Variants in KLF12 observed in about 807,000 individuals in gnomAD.
KLF12 encodes the protein Krueppel-like factor 12.
A neutral mutation model predicts 37.8 loss-of-function variants in KLF12; 9 were observed. That is an observed-to-expected ratio of 0.24 (90% CI 0.14 to 0.42). The LOEUF is 0.42. Ranked by LOEUF, KLF12 falls within the 10% of genes least tolerant of loss-of-function variation. The pLI, the probability that KLF12 is intolerant of heterozygous loss-of-function variation, is 1.00. For synonymous variants in KLF12, 208 were observed against 202.1 expected (o/e 1.03, Z -0.25); for missense variants, 411 against 516.0 (o/e 0.80, Z 1.97).
intron 1 of KLF12, among the ~76,000 whole-genome samples, chr13:74,099,539 C>T: frequency 6.6e-6 from 1 of 152,202 alleles, no homozygotes; most frequent in East Asian, 1.9e-4. Flanking sequence ...AGGGCCATTC[C>T]TTTAGCTAGG....
the KLF12 span, among the ~76,000 whole-genome samples, chr13:74,265,056 T>C: frequency 6.6e-6 from 1 of 152,216 alleles, no homozygotes. Flanking sequence ...AACATGAATC[T>C]CATCTACTTC....
At chr13:74,027,940 C>T (rs1488068966) in intron 1 of KLF12, among the ~76,000 whole-genome samples, 2 of 152,054 alleles carry the variant, frequency 1.3e-5, no homozygotes, top group African/African-American at 4.8e-5. Flanking sequence ...TAATCCAAAA[C>T]AGTATGTCAA....
chr13:74,161,062 G>A, the KLF12 span, among the ~76,000 whole-genome samples: 3 of 138,922 alleles, frequency 2.2e-5, no homozygotes, highest in East Asian at 2.7e-4. Flanking sequence ...GGACATTCAG[G>A]AGAGTCTTTT....
At chr13:74,139,146 A>G in the KLF12 span, among the ~76,000 whole-genome samples, 3 of 152,346 alleles carry the variant, frequency 2.0e-5, no homozygotes, top group East Asian at 3.9e-4. Context: ...AAGATTTATT[A>G]GATGCTTACC....
At chr13:73,929,833 C>T (rs1889584306) in intron 3 of KLF12, among the ~76,000 whole-genome samples, 1 of 152,122 alleles carries the variant, frequency 6.6e-6, no homozygotes, top group Non-Finnish European at 1.5e-5. Context: ...CCCTTTTATG[C>T]ATGGTACAGC....
intron 2 of KLF12, among the ~76,000 whole-genome samples, chr13:73,954,198 TC>T (rs1256581715): frequency 2.6e-5 from 4 of 152,004 alleles, no homozygotes; most frequent in African/African-American, 7.2e-5. Context: ...CAGGATGGTC[TC>T]GGTCTCCTGA....
chr13:74,202,423 G>T, the KLF12 span, among the ~76,000 whole-genome samples: 1 of 152,044 alleles, frequency 6.6e-6, no homozygotes, highest in African/African-American at 2.4e-5. Flanking sequence ...CCCCTCTGAG[G>T]AACTAGGACT....
intron 2 of KLF12, among the ~76,000 whole-genome samples, chr13:73,980,798 C>G (rs1464544835): frequency 1.3e-5 from 2 of 152,244 alleles, no homozygotes; most frequent in African/African-American, 4.8e-5. Context: ...GAAAAATCTT[C>G]AAATGTCAGC....
chr13:73,953,038 A>T (rs571974961), intron 2 of KLF12, among the ~76,000 whole-genome samples: 53 of 152,330 alleles, frequency 3.5e-4, no homozygotes, highest in African/African-American at 1.3e-3. Flanking sequence ...GAGTGTCAAG[A>T]ATGACAAAGA....
chr13:73,769,092 A>T (rs1880114699), intron 5 of KLF12, among the ~76,000 whole-genome samples: 1 of 152,226 alleles, frequency 6.6e-6, no homozygotes, highest in Non-Finnish European at 1.5e-5. Flanking sequence ...TAAGAAGCAC[A>T]GTCATAATAA....
intron 3 of KLF12, among the ~76,000 whole-genome samples, chr13:73,932,348 A>C (rs757566062): frequency 1.3e-5 from 2 of 152,202 alleles, no homozygotes; most frequent in African/African-American, 2.4e-5. Context: ...CACTGAACAC[A>C]GTTTCCTTCT....
chr13:73,763,535 A>C (rs1879704034), intron 6 of KLF12, among the ~76,000 whole-genome samples: 1 of 152,220 alleles, frequency 6.6e-6, no homozygotes, highest in Admixed American at 6.5e-5. Flanking sequence ...TACTAAACAA[A>C]TAACATGCTA....
chr13:74,155,362 T>C, the KLF12 span, among the ~76,000 whole-genome samples: 2 of 135,840 alleles, frequency 1.5e-5, no homozygotes, highest in African/African-American at 5.2e-5. Context: ...CTTTTGTTTT[T>C]GTTTTTGTTT....
chr13:74,063,743 G>T (rs2138662824), intron 1 of KLF12, among the ~76,000 whole-genome samples: 1 of 152,232 alleles, frequency 6.6e-6, no homozygotes, highest in South Asian at 2.1e-4. Context: ...CACTAAAAAA[G>T]GTGTTCTGTA....
intron 1 of KLF12, among the ~76,000 whole-genome samples, chr13:74,068,254 T>C (rs1238438141): frequency 1.3e-5 from 2 of 152,260 alleles, no homozygotes; most frequent in Non-Finnish European, 2.9e-5. Context: ...ATAAGTTGTA[T>C]GTTTTGAAAA....
chr13:73,880,885 T>C (rs1886947219), intron 3 of KLF12, among the ~76,000 whole-genome samples: 1 of 152,230 alleles, frequency 6.6e-6, no homozygotes, highest in South Asian at 2.1e-4. Flanking sequence ...AACTTTTGCT[T>C]TTAAAAAGAC....
At chr13:73,838,380 T>A (rs1566406486) in intron 4 of KLF12, among the ~76,000 whole-genome samples, 1 of 152,158 alleles carries the variant, frequency 6.6e-6, no homozygotes, top group African/African-American at 2.4e-5. Flanking sequence ...TTTTGGAGGA[T>A]TCTTCACCGT....
rs1168917929 is a variant in KLF12, at chr13:73,797,641, G to T, written c.806+15511C>A. ...AAAAATTGCCTGGGCATGGTGACATGCACCTGTAATTCTAGCTACTAGTGA... is the reference window on the plus strand; with the variant it reads ...AAAAATTGCCTGGGCATGGTGACATTCACCTGTAATTCTAGCTACTAGTGA... On this transcript the variant is annotated intron_variant, in intron 5 of 7. Transcript: ENST00000377669. 7.2e-5 allele frequency among the ~76,000 whole-genome samples: 11 copies of T among 152,016 alleles called. No homozygotes were observed. The East Asian group carries it at 1.7e-3, about 24-fold the overall frequency.
intron 1 of KLF12, among the ~76,000 whole-genome samples, chr13:74,070,043 G>A (rs1231002067): frequency 6.6e-6 from 1 of 152,112 alleles, no homozygotes; most frequent in East Asian, 1.9e-4. Flanking sequence ...TTACTCTATG[G>A]GTAGAATTTG....
Sources: allele counts gnomAD v4.1 joint callset (sites outside exome capture counted in the v4.1 genomes callset), GRCh38; gene constraint gnomAD v4.1.1; transcripts MANE v1.5; gene names NCBI Gene and HGNC (gene_info 2026-07-23, HGNC 2026-07-21).